APTX: variants seen among roughly 807,000 people sequenced by gnomAD.
APTX encodes aprataxin.
Under a neutral mutation model 42.3 loss-of-function variants are expected in APTX, and 33 were observed. That is an observed-to-expected ratio of 0.78 (90% CI 0.59 to 1.04). The LOEUF (loss-of-function observed/expected upper bound fraction) is 1.04. Among genes scored for constraint, APTX ranks in the 50% least tolerant of loss-of-function variants. The pLI, the probability that APTX is intolerant of heterozygous loss-of-function variation, is 0.00. For synonymous variants in APTX, 130 were observed against 146.7 expected (o/e 0.89, Z 0.82); for missense variants, 421 against 415.1 (o/e 1.01, Z -0.12).
intron 1 of APTX, among the ~76,000 whole-genome samples, chr9:33,012,886 T>C (rs962198293): frequency 1.3e-5 from 2 of 152,174 alleles, no homozygotes; most frequent in African/African-American, 4.8e-5. Flanking sequence ...CATAAGATTG[T>C]CTGAAATCTG....
Position 32,984,766 on chromosome 9 carries a change from C to G in APTX, c.635G>C (p.Ser212Thr). The change falls in exon 6 of 8, where the codon AGT (serine) becomes ACT (threonine). Residue 212 changes from serine to threonine, a missense_variant. By Grantham distance (58) the Ser-to-Thr change is moderately conservative. Coordinates refer to ENST00000379817, the MANE Select transcript of APTX (RefSeq NM_001195248.2). The part of the protein sequence containing the change: ...WLVLPWTSIS[S>T]LKAVAREHLE... ...GTGTTCCCTGGCCACAGCCTTCAGA[C>G]TGGAAATGGAGGTCCACGGTAAGAC... The G allele has an allele frequency of 6.2e-7, 1 of 1,614,184 alleles. No individual in the cohort carries two copies. The highest frequency in any genetic ancestry group is 1.7e-5 in the Admixed American group (1 of 60,022).
intron 7 of APTX, among the ~76,000 whole-genome samples, chr9:32,974,110 A>G (rs1828747353): frequency 6.6e-6 from 1 of 152,056 alleles, no homozygotes; most frequent in Admixed American, 6.5e-5. Flanking sequence ...GGCAGCCCCA[A>G]AGCTCCCACC....
intron 1 of APTX, among the ~76,000 whole-genome samples, chr9:32,997,786 T>C (rs559185677): frequency 5.3e-5 from 8 of 152,314 alleles, no homozygotes; most frequent in African/African-American, 1.9e-4. Flanking sequence ...GAACTTTCAA[T>C]GGATTTTGCA....
chr9:33,020,035 G>A (rs979281757), intron 1 of APTX: 17 of 398,360 alleles, frequency 4.3e-5, no homozygotes, highest in African/African-American at 2.7e-4. Context: ...TCCGCTGGCC[G>A]GAGCTGCCGG....
chr9:32,986,059 A>AAAAC, intron 4 of APTX, 29 bp from the exon 5 acceptor site: 1 of 1,240,058 alleles, frequency 8.1e-7, no homozygotes, highest in African/African-American at 1.6e-5. Context: ...AAAAAACAAA[A>AAAAC]AAAAAAAAAA....
intron 6 of APTX, among the ~76,000 whole-genome samples, chr9:32,978,794 C>G (rs1351113266): frequency 1.3e-5 from 2 of 152,162 alleles, no homozygotes; most frequent in Non-Finnish European, 2.9e-5. Context: ...CTACAATTCT[C>G]CCTTAACTAC....
chr9:32,975,679 A>G (rs1331483623), intron 6 of APTX, among the ~76,000 whole-genome samples: 1 of 152,236 alleles, frequency 6.6e-6, no homozygotes, highest in African/African-American at 2.4e-5. Flanking sequence ...AACCTGGGTG[A>G]CAAAGTTAGA....
intron 1 of APTX, among the ~76,000 whole-genome samples, chr9:33,008,158 TGGGGGTAAATCTGA>T (rs1369313576): frequency 6.6e-6 from 1 of 152,054 alleles, no homozygotes. Flanking sequence ...GCAGAACACA[TGGGGGTAAATCTGA>T]GGGGAGGCCT....
At chr9:33,000,504 T>C (rs2119109268) in intron 1 of APTX, among the ~76,000 whole-genome samples, 1 of 151,318 alleles carries the variant, frequency 6.6e-6, no homozygotes, top group Admixed American at 6.6e-5. Context: ...GGCACACGCC[T>C]GTAATCCCAG....
chr9:32,977,747 C>T (rs1829775721), intron 6 of APTX, among the ~76,000 whole-genome samples: 1 of 151,984 alleles, frequency 6.6e-6, no homozygotes, highest in Non-Finnish European at 1.5e-5. Context: ...ATGAGACTAG[C>T]TTGAACCCAG....
At chr9:32,986,230 T>C in intron 4 of APTX, 200 bp from the exon 5 acceptor site, 1 of 708,388 alleles carries the variant, frequency 1.4e-6, no homozygotes, top group South Asian at 1.5e-5. Context: ...TCTTTTTTTT[T>C]GAGACAAAGT....
Position 32,986,046 on chromosome 9 carries a change from A to AC in APTX, c.484-17_484-16insG, listed in dbSNP as rs749337456. The AC allele has an allele frequency of 3.1e-5, 20 of 652,420 alleles. No homozygotes were observed. In the South Asian group the frequency reaches 3.1e-4, roughly 10 times the overall value. The allele number at this position is 652,420 out of a possible 1,614,324, so 40.4% of individuals were successfully genotyped here. On this transcript the variant is annotated splice_polypyrimidine_tract_variant and intron_variant, in intron 4 of 7. Coordinates refer to ENST00000379817, the MANE Select transcript of APTX (RefSeq NM_001195248.2). ...CCAGGGATTCCTAAAAAAAAAACAA[A>AC]AAAAAAAACAAAAAAAAAAAAAAAC...
chr9:32,984,621 C>G lies in APTX; in HGVS notation c.770+10G>C. The G allele has an allele frequency of 6.2e-7, 1 of 1,613,574 alleles. No individual in the cohort carries two copies. The highest frequency in any genetic ancestry group is 1.3e-5 in the African/African-American group (1 of 75,040). Reference sequence around the variant, plus strand: ...AACCAGGAGCCAGCAGCACTACCCACCTGGCTTACCTCATACTCGGAATGG... The same window carrying G: ...AACCAGGAGCCAGCAGCACTACCCAGCTGGCTTACCTCATACTCGGAATGG... On this transcript the variant is annotated intron_variant, in intron 6 of 7. Coordinates refer to ENST00000379817, the MANE Select transcript of APTX (RefSeq NM_001195248.2).
intron 1 of APTX, among the ~76,000 whole-genome samples, chr9:33,009,428 T>C (rs1837379878): frequency 6.6e-6 from 1 of 152,062 alleles, no homozygotes; most frequent in Non-Finnish European, 1.5e-5. Flanking sequence ...CGTGCTATTC[T>C]TTCTGGAATG....
At chr9:32,996,277 TC>T (rs1453272757) in intron 1 of APTX, among the ~76,000 whole-genome samples, 17 of 23,638 alleles carry the variant, frequency 7.2e-4, no homozygotes, top group Non-Finnish European at 1.8e-3. Context: ...AATAAATCGC[TC>T]TTTTTTTTTT....
At chr9:33,015,279 G>T (rs1236057584) in intron 1 of APTX, among the ~76,000 whole-genome samples, 1 of 152,154 alleles carries the variant, frequency 6.6e-6, no homozygotes, top group East Asian at 1.9e-4. Flanking sequence ...TGCGTGATGT[G>T]GGAACACAAA....
chr9:32,989,973 C>T, intron 1 of APTX, 78 bp from the exon 2 acceptor site: 1 of 1,535,748 alleles, frequency 6.5e-7, no homozygotes, highest in Non-Finnish European at 8.8e-7. Context: ...CCGGTGCCAC[C>T]ACGCATGTGA....
Position 33,020,004 on chromosome 9 carries a change from T to C in APTX, c.-5+5019A>G, listed in dbSNP as rs557622210. Reference sequence around the variant, plus strand: ...CAGACGCTGCGTTTCTGCTAGGACCTGACACGTGCGGTGGGGGAGCTCCGC... The same window carrying C: ...CAGACGCTGCGTTTCTGCTAGGACCCGACACGTGCGGTGGGGGAGCTCCGC... On this transcript the variant is annotated intron_variant, in intron 1 of 6. Transcript: ENST00000436040. The C allele has an allele frequency of 5.3e-4, 216 of 408,700 alleles. 1 individual carries two copies. Among genetic ancestry groups the C allele is most frequent in the African/African-American group, 4.1e-3 (198 of 48,604 alleles). The allele number at this position is 408,700 out of a possible 1,614,324, so 25.3% of individuals were successfully genotyped here.
rs1258519959 is a variant in APTX, at chr9:32,983,493, T to C, written c.770+1138A>G. 6.6e-5 allele frequency among the ~76,000 whole-genome samples: 10 copies of C among 152,216 alleles called. No homozygotes were observed. The East Asian group carries it at 1.9e-3, about 29-fold the overall frequency. On this transcript the variant is annotated intron_variant, in intron 6 of 7. Coordinates refer to ENST00000379817, the MANE Select transcript of APTX (RefSeq NM_001195248.2). ...ACTGATCAAACTATGCATCTTATTA[T>C]GCACTTTATTGTATGTAAGTTATGC...
Sources: allele counts gnomAD v4.1 joint callset (sites outside exome capture counted in the v4.1 genomes callset), GRCh38; gene constraint gnomAD v4.1.1; transcripts MANE v1.5; gene names NCBI Gene and HGNC (gene_info 2026-07-23, HGNC 2026-07-21).